SDS: variants seen among roughly 807,000 people sequenced by gnomAD.
SDS encodes L-serine dehydratase/L-threonine deaminase.
SDS carries 19 observed loss-of-function variants against 29.3 expected under a neutral mutation model. The ratio of observed to expected loss-of-function variants is 0.65; its 90% CI spans 0.45 to 0.95. The LOEUF (loss-of-function observed/expected upper bound fraction) is 0.95, where lower values mean the gene tolerates loss of function less well. SDS is among the 40% of genes least tolerant of loss of function. SDS has a pLI of 0.00. For missense variants in SDS, 375 were observed against 439.9 expected (o/e 0.85, Z 1.32); for synonymous variants, 176 against 189.0 (o/e 0.93, Z 0.56).
At position 113,392,925 on chromosome 12, in the gene SDS, G is replaced by A. The variant is rs771464829; in HGVS notation, c.*16C>T. The A allele has an allele frequency of 6.2e-7, 1 of 1,611,402 alleles. No homozygotes were observed. Among genetic ancestry groups the A allele is most frequent in the Non-Finnish European group, 8.5e-7 (1 of 1,177,738 alleles). On this transcript the variant is annotated 3_prime_UTR_variant, in exon 8 of 8. Transcript: ENST00000257549. ...CTCTTGGGCTAGGAGAGCACAGATC[G>A]GTAAGGGGTCCGTCCTCACTTGGGC... is the stretch of plus-strand genomic sequence containing the variant.
intron 1 of SDS, among the ~76,000 whole-genome samples, chr12:113,400,272 A>G (rs1199138044): frequency 6.6e-6 from 1 of 151,874 alleles, no homozygotes; most frequent in African/African-American, 2.4e-5. Context: ...TGCCTGGGTG[A>G]CAGAGCAAGA....
At chr12:113,403,683 CTA>C (rs1264816061) in intron 1 of SDS, 83 bp downstream of exon 1, 1 of 152,336 alleles carries the variant, frequency 6.6e-6, no homozygotes, top group African/African-American at 2.4e-5. Flanking sequence ...CAGACTCTTT[CTA>C]TGTCTCCCTC....
Position 113,397,145 on chromosome 12 carries a change from G to C in SDS, c.653+20C>G. 6.2e-7 allele frequency: 1 copy of C among 1,609,154 alleles called. No homozygotes were observed. The highest frequency in any genetic ancestry group is 8.5e-7 in the Non-Finnish European group (1 of 1,175,672). On this transcript the variant is annotated intron_variant, in intron 6 of 7. Transcript: ENST00000257549. ...CCCAGTGCTTGCTGGACACCCGAGG[G>C]AGGCACCCCAGCTGCTCACCTGGTG... is the stretch of plus-strand genomic sequence containing the variant.
Position 113,399,703 on chromosome 12 carries a change from C to T in SDS, c.6G>A (p.Met2Ile). 6.3e-7 allele frequency: 1 copy of T among 1,580,048 alleles called. No individual in the cohort carries two copies. Among genetic ancestry groups the T allele is most frequent in the Non-Finnish European group, 8.6e-7 (1 of 1,164,274 alleles). The change falls in exon 2 of 8, where the codon ATG becomes ATA. Residue 2 changes from methionine (M) to isoleucine (I), a missense_variant. Transcript: ENST00000257549. The part of the protein sequence containing the change: M[M>I]SGEPLHVKTP... ...TCTTCACGTGCAGGGGTTCTCCAGACATCATTCCTGGGAGAAAGGAAGGAA... is the reference window on the plus strand; with the variant it reads ...TCTTCACGTGCAGGGGTTCTCCAGATATCATTCCTGGGAGAAAGGAAGGAA...
rs529663869 is a variant in SDS, at chr12:113,398,551, C to T, written c.389G>A (p.Trp130Ter). Reference sequence around the variant, plus strand: ...GTCATCAAAGGGGGGAATGTAGACCCAACCCGGGTTGTTCTTCGCTAGGGC... The same window carrying T: ...GTCATCAAAGGGGGGAATGTAGACCTAACCCGGGTTGTTCTTCGCTAGGGC... ...AKALAKNNPG[W>*]VYIPPFDDPL... is the part of the protein sequence containing the mutation. The change falls in exon 5 of 8, where the codon TGG (tryptophan) becomes TAG (stop). Residue 130 changes from tryptophan (W) to a stop codon, truncating the protein, a stop_gained. Transcript: ENST00000257549. LOFTEE classifies it high-confidence loss of function. 3.8e-6 allele frequency: 6 copies of T among 1,594,172 alleles called. No individual in the cohort carries two copies. In the African/African-American group the frequency reaches 4.1e-5, roughly 11 times the overall value.
chr12:113,393,031 C>CACGAGGGATGGCAGCG lies in SDS; in HGVS notation c.881_896dup (p.Val300AlafsTer31). The CACGAGGGATGGCAGCG allele has an allele frequency of 6.2e-7, 1 of 1,614,230 alleles. No homozygotes were observed. Among genetic ancestry groups the CACGAGGGATGGCAGCG allele is most frequent in the Non-Finnish European group, 8.5e-7 (1 of 1,180,052 alleles). Reference sequence around the variant, plus strand: ...TGTTGCTGCCCCCGCAGACGATGACCACGAGGGATGGCAGCGGGGTTCGGA... The same window carrying CACGAGGGATGGCAGCG: ...TGTTGCTGCCCCCGCAGACGATGACCACGAGGGATGGCAGCGACGAGGGATGGCAGCGGGGTTCGGA... On this transcript the variant is annotated frameshift_variant, in exon 8 of 8. Coordinates refer to ENST00000257549, the MANE Select transcript of SDS (RefSeq NM_006843.3). LOFTEE classifies it high-confidence loss of function.
chr12:113,403,744 G>A (rs1176004978), intron 1 of SDS, 24 bp downstream of exon 1: 1 of 152,396 alleles, frequency 6.6e-6, no homozygotes, highest in African/African-American at 2.4e-5. Flanking sequence ...GTCCTGAGGT[G>A]GGACTGAGGA....
chr12:113,395,036 CTGT>C lies in SDS; in HGVS notation c.654-1023_654-1021del, dbSNP rs1257296239. Among the ~76,000 whole-genome samples the C allele has an allele frequency of 2.0e-5, 3 of 152,310 alleles. No homozygotes were observed. The East Asian group carries it at 5.8e-4, about 29-fold the overall frequency. ...TTATTGAATTCACACAAGAATTCTG[CTGT>C]TGTTAATTGGTTTGATTTTGGAAAG... On this transcript the variant is annotated intron_variant, in intron 6 of 7. Transcript: ENST00000257549.
chr12:113,397,256 C>G lies in SDS; in HGVS notation c.562G>C (p.Val188Leu), dbSNP rs770594760. 6.2e-7 allele frequency: 1 copy of G among 1,614,080 alleles called. No homozygotes were observed. Among genetic ancestry groups the G allele is most frequent in the Non-Finnish European group, 8.5e-7 (1 of 1,180,050 alleles). Reference protein sequence around the residue: ...QGLQEVGWGDVPVIAMETFGA... With the variant: ...QGLQEVGWGDLPVIAMETFGA... ...AAAGTCTCCATGGCGATGACAGGCA[C>G]GTCCCCCCAGCCCACCTCCTGCAGC... Residue 188 changes from valine (V) to leucine (L), a missense_variant, in exon 6 of 8, where the codon GTG becomes CTG. Transcript: ENST00000257549.
Position 113,392,832 on chromosome 12 carries a change from C to G in SDS, c.*109G>C. ...CCTGATAACAAGAAGTTAACCTGCACCCAGGCCACAGGTGCTCAGCCAAAC... is the reference window on the plus strand; with the variant it reads ...CCTGATAACAAGAAGTTAACCTGCAGCCAGGCCACAGGTGCTCAGCCAAAC... On this transcript the variant is annotated 3_prime_UTR_variant, in exon 8 of 8. Transcript: ENST00000257549. 1 of 1,063,814 alleles carries G rather than the reference C, an allele frequency of 9.4e-7. No homozygotes were observed. Among genetic ancestry groups the G allele is most frequent in the Non-Finnish European group, 1.4e-6 (1 of 707,226 alleles). 65.9% of individuals were successfully genotyped at this position (1,063,814 alleles called of 1,614,324 possible). A position where few individuals can be genotyped will look rare whatever the true frequency, so the allele number is the denominator to read the frequency against.
Position 113,397,182 on chromosome 12 carries a change from G to A in SDS, c.636C>T (p.Ser212=). Residue 212 remains serine (S), a synonymous_variant, in exon 6 of 8, where the codon TCC becomes TCT. Transcript: ENST00000257549. ...CTGCTCACCTGGTGATCTTGGGCAG[G>A]GAGACAAGTTTGCCTGCGGTGGTGG... The part of the protein sequence containing the change: ...HAATTAGKLV[S]LPKITSVAKA... 6.2e-7 allele frequency: 1 copy of A among 1,614,196 alleles called. No homozygotes were observed. The highest frequency in any genetic ancestry group is 8.5e-7 in the Non-Finnish European group (1 of 1,180,010).
intron 6 of SDS, among the ~76,000 whole-genome samples, chr12:113,394,610 G>T (rs144489814): frequency 6.6e-6 from 1 of 152,202 alleles, no homozygotes; most frequent in Non-Finnish European, 1.5e-5. Flanking sequence ...AAAGTGCTGG[G>T]ATTACAGGCA....
chr12:113,398,649 G>A lies in SDS; in HGVS notation c.334-43C>T, dbSNP rs776679878. 8.7e-6 allele frequency: 14 copies of A among 1,603,014 alleles called. No homozygotes were observed. In the South Asian group the frequency reaches 1.4e-4, roughly 16 times the overall value. On this transcript the variant is annotated intron_variant, in intron 4 of 7. Coordinates refer to ENST00000257549, the MANE Select transcript of SDS (RefSeq NM_006843.3). The stretch of plus-strand genomic sequence containing the variant: ...AGATAGGAGGGGGTGAGGCACAGGG[G>A]GCACCCTGTCCAGCCACCAGGCGCC...
rs1347156987 is a variant in SDS, at chr12:113,403,813, G to C, written c.-48C>G. 1 of 152,632 alleles carries C rather than the reference G, an allele frequency of 6.6e-6. No individual in the cohort carries two copies. Among genetic ancestry groups the C allele is most frequent in the Non-Finnish European group, 1.5e-5 (1 of 68,386 alleles). 9.5% of individuals were successfully genotyped at this position (152,632 alleles called of 1,614,324 possible). A position where few individuals can be genotyped will look rare whatever the true frequency, so the allele number is the denominator to read the frequency against. On this transcript the variant is annotated 5_prime_UTR_variant, in exon 1 of 8. Transcript: ENST00000257549. ...GAGCAGGAGTCAGAGCCAAGCCAGC[G>C]AGGGAGGGATCAACTGAGTAGATAG...
In SDS at chr12:113,393,896, G is replaced by C; in HGVS notation, c.774C>G (p.Phe258Leu). The C allele has an allele frequency of 6.2e-7, 1 of 1,614,152 alleles. No individual in the cohort carries two copies. The highest frequency in any genetic ancestry group is 8.5e-7 in the Non-Finnish European group (1 of 1,180,034). The change falls in exon 7 of 8, where the codon TTC becomes TTG. Residue 258 changes from phenylalanine (F) to leucine (L), a missense_variant. By Grantham distance (22) the Phe-to-Leu change is conservative. Transcript: ENST00000257549. ...ATGGGAGGACCTGGCACATACCCACGAACTTCTCAATGGCGGCCACAGCCT... is the reference window on the plus strand; with the variant it reads ...ATGGGAGGACCTGGCACATACCCACCAACTTCTCAATGGCGGCCACAGCCT... Reference protein sequence around the residue: ...DQEAVAAIEKFVDDEKILVEP... With the variant: ...DQEAVAAIEKLVDDEKILVEP...
chr12:113,399,266 C>A, intron 2 of SDS, 115 bp from the exon 3 acceptor site: 1 of 1,173,920 alleles, frequency 8.5e-7, no homozygotes, highest in South Asian at 1.3e-5. Flanking sequence ...TTCCTTCACT[C>A]AGAATTTGTT....
Position 113,399,234 on chromosome 12 carries a change from G to A in SDS, c.154-83C>T. The A allele has an allele frequency of 2.8e-6, 4 of 1,406,372 alleles. No homozygotes were observed. In the Admixed American group the frequency reaches 7.3e-5, roughly 26 times the overall value. The allele number at this position is 1,406,372 out of a possible 1,614,324, so 87.1% of individuals were successfully genotyped here. Reference sequence around the variant, plus strand: ...TCCTCCCCACCTGGAATACCTGCCAGGATTCCAGTGGACACGGACGTTTCC... The same window carrying A: ...TCCTCCCCACCTGGAATACCTGCCAAGATTCCAGTGGACACGGACGTTTCC... On this transcript the variant is annotated intron_variant, in intron 2 of 7. Transcript: ENST00000257549.
intron 1 of SDS, among the ~76,000 whole-genome samples, chr12:113,400,643 G>A (rs2136936178): frequency 6.7e-6 from 1 of 148,326 alleles, no homozygotes; most frequent in East Asian, 1.9e-4. Flanking sequence ...TAGTCCACAT[G>A]TTTCTTTTAT....
At chr12:113,401,232 G>C (rs998830819) in intron 1 of SDS, among the ~76,000 whole-genome samples, 1 of 152,010 alleles carries the variant, frequency 6.6e-6, no homozygotes, top group Non-Finnish European at 1.5e-5. Context: ...ACTCATAGTA[G>C]ATGTTCAATA....
Sources: gnomAD v4.1 joint callset for allele counts (sites outside exome capture counted in the v4.1 genomes callset) on GRCh38, gnomAD v4.1.1 for gene constraint, MANE v1.5 for transcripts, NCBI Gene and HGNC (gene_info 2026-07-23, HGNC 2026-07-21) for gene names.